Variants in UBE2K observed in about 807,000 individuals in gnomAD.
The protein encoded by UBE2K is ubiquitin-conjugating enzyme E2 K.
UBE2K carries 6 observed loss-of-function variants against 30.0 expected under a neutral mutation model. The ratio of observed to expected loss-of-function variants is 0.20; its 90% CI spans 0.11 to 0.39. The LOEUF (loss-of-function observed/expected upper bound fraction) is 0.39. UBE2K is among the 10% of genes least tolerant of loss of function. UBE2K has a pLI of 1.00. For synonymous variants in UBE2K, 86 were observed against 83.7 expected, an observed-to-expected ratio of 1.03 and a Z score of -0.15; for missense variants, 61 against 241.6, an observed-to-expected ratio of 0.25 and a Z score of 4.96.
intron 1 of UBE2K, among the ~76,000 whole-genome samples, chr4:39,706,471 C>CT (rs35941407): frequency 0.13 from 16,831 of 133,496 alleles, 1,193 homozygotes; most frequent in East Asian, 0.21. Context: ...CATGCCTGGA[C>CT]TTTTTTTTTT....
chr4:39,715,136 C>T (rs1207747007), intron 1 of UBE2K, among the ~76,000 whole-genome samples: 2 of 150,924 alleles, frequency 1.3e-5, no homozygotes, highest in Non-Finnish European at 1.5e-5. Flanking sequence ...CGCCATTCTT[C>T]TGCCTCAGCC....
At chr4:39,698,517 A>G in intron 1 of UBE2K, 127 bp downstream of exon 1, 1 of 826,730 alleles carries the variant, frequency 1.2e-6, no homozygotes, top group Admixed American at 2.1e-5. Context: ...GCCTGTGAGG[A>G]AGCAGCAGTG....
intron 1 of UBE2K, among the ~76,000 whole-genome samples, chr4:39,716,354 C>T (rs431419): frequency 6.6e-6 from 1 of 152,002 alleles, no homozygotes; most frequent in Non-Finnish European, 1.5e-5. Flanking sequence ...CTTAAGTGAT[C>T]CTCCCACCAC....
intron 1 of UBE2K, among the ~76,000 whole-genome samples, chr4:39,700,395 T>C (rs1717943498): frequency 6.6e-6 from 1 of 152,162 alleles, no homozygotes. Flanking sequence ...TTTGTTTTGT[T>C]TTGTTTTGTT....
At chr4:39,755,856 C>A in intron 4 of UBE2K, 117 bp downstream of exon 4, 1 of 622,408 alleles carries the variant, frequency 1.6e-6, no homozygotes, top group Non-Finnish European at 2.5e-6. Context: ...TGGGCAGTAA[C>A]TTTAAAAGTC....
chr4:39,723,046 C>CT (rs1361038026), intron 1 of UBE2K, among the ~76,000 whole-genome samples: 1 of 150,572 alleles, frequency 6.6e-6, no homozygotes, highest in Non-Finnish European at 1.5e-5. Context: ...TCTCTTTTTT[C>CT]TTTAATTTTT....
intron 1 of UBE2K, among the ~76,000 whole-genome samples, chr4:39,721,057 T>C (rs1373954788): frequency 6.6e-6 from 1 of 152,236 alleles, no homozygotes; most frequent in Admixed American, 6.5e-5. Context: ...CTTCTGTTTT[T>C]CTTTTTTTCT....
intron 1 of UBE2K, among the ~76,000 whole-genome samples, chr4:39,719,892 G>C (rs907559987): frequency 6.6e-6 from 1 of 152,168 alleles, no homozygotes; most frequent in Non-Finnish European, 1.5e-5. Flanking sequence ...AATTTTGAGT[G>C]TATATCTCTG....
In UBE2K at chr4:39,728,819, T is replaced by G. The variant is rs573760639; in HGVS notation, c.64-8601T>G. On this transcript the variant is annotated intron_variant, in intron 1 of 6. Transcript: ENST00000261427. The stretch of plus-strand genomic sequence containing the variant: ...ACGCCCGGCTAGTAGGTTTTTTTTG[T>G]TTTTTTTGTTTTTTTTTTTTTGTAT... 2.0e-4 allele frequency among the ~76,000 whole-genome samples: 24 copies of G among 120,286 alleles called. No individual in the cohort carries two copies. The East Asian group carries it at 2.7e-3, about 14-fold the overall frequency. The allele number at this position is 120,286 out of a possible 152,430, so 78.9% of individuals were successfully genotyped here. A position where few individuals can be genotyped will look rare whatever the true frequency, so the allele number is the denominator to read the frequency against.
At chr4:39,725,242 G>A (rs1719679857) in intron 1 of UBE2K, among the ~76,000 whole-genome samples, 1 of 151,850 alleles carries the variant, frequency 6.6e-6, no homozygotes, top group Non-Finnish European at 1.5e-5. Context: ...TATTAACCAG[G>A]CATGGTGTCA....
intron 1 of UBE2K, among the ~76,000 whole-genome samples, chr4:39,708,717 A>G (rs1718511783): frequency 6.6e-6 from 1 of 152,084 alleles, no homozygotes; most frequent in South Asian, 2.1e-4. Context: ...TCTCATCTAT[A>G]AAATCAGGAA....
chr4:39,708,403 C>T lies in UBE2K; in HGVS notation c.63+10013C>T, dbSNP rs1306086633. ...GTTACCTTTTGGGGAGGAAAACCAC[C>T]CTTTTTCATATTAAAGTAAAATGTG... is the stretch of plus-strand genomic sequence containing the variant. On this transcript the variant is annotated intron_variant, in intron 1 of 6. Coordinates refer to ENST00000261427, the MANE Select transcript of UBE2K (RefSeq NM_005339.5). Among the ~76,000 whole-genome samples the T allele has an allele frequency of 2.0e-5, 3 of 151,882 alleles. No individual in the cohort carries two copies. In the South Asian group the frequency reaches 6.2e-4, roughly 32 times the overall value.
At chr4:39,757,315 C>A (rs371578466) in intron 4 of UBE2K, among the ~76,000 whole-genome samples, 19 of 152,126 alleles carry the variant, frequency 1.2e-4, no homozygotes, top group African/African-American at 4.6e-4. Flanking sequence ...CATGAGCCAC[C>A]ACACCCGGCC....
At chr4:39,777,656 GTCAA>G in intron 5 of UBE2K, 22 bp from the exon 6 acceptor site, 2 of 1,523,790 alleles carry the variant, frequency 1.3e-6, no homozygotes, top group Middle Eastern at 1.7e-4. Context: ...GTAATGTCAT[GTCAA>G]TCAATTTTTC....
intron 4 of UBE2K, among the ~76,000 whole-genome samples, chr4:39,765,432 G>C (rs1712256887): frequency 6.6e-6 from 1 of 152,044 alleles, no homozygotes; most frequent in Non-Finnish European, 1.5e-5. Flanking sequence ...GCTGAGGTTG[G>C]AGGATCGCTT....
At chr4:39,757,020 T>TTTG (rs1721566371) in intron 4 of UBE2K, among the ~76,000 whole-genome samples, 1 of 96,592 alleles carries the variant, frequency 1.0e-5, no homozygotes, top group African/African-American at 4.5e-5. Flanking sequence ...TGTTTTTTGT[T>TTTG]TTTTGTTTTT....
At chr4:39,700,593 AAGACTTGTAGTAT>A (rs1165654170) in intron 1 of UBE2K, among the ~76,000 whole-genome samples, 1 of 152,196 alleles carries the variant, frequency 6.6e-6, no homozygotes, top group Non-Finnish European at 1.5e-5. Context: ...CAACTCATTG[AAGACTTGTAGTAT>A]AGTCCATGTG....
At chr4:39,755,081 G>GT (rs1324801580) in intron 3 of UBE2K, among the ~76,000 whole-genome samples, 6 of 152,124 alleles carry the variant, frequency 3.9e-5, no homozygotes, top group Non-Finnish European at 8.8e-5. Flanking sequence ...ATTGTGCTCT[G>GT]TTTAGCTATT....
intron 1 of UBE2K, among the ~76,000 whole-genome samples, chr4:39,724,727 G>A (rs1026281212): frequency 3.3e-5 from 5 of 150,942 alleles, no homozygotes; most frequent in East Asian, 3.9e-4. Flanking sequence ...CTGAGATGGC[G>A]CCACTGCCCT....
Sources: gnomAD v4.1 joint callset for allele counts (sites outside exome capture counted in the v4.1 genomes callset) on GRCh38, gnomAD v4.1.1 for gene constraint, MANE v1.5 for transcripts, NCBI Gene and HGNC (gene_info 2026-07-23, HGNC 2026-07-21) for gene names.